Variants in IL15 observed in about 807,000 individuals in gnomAD.
The protein encoded by IL15 is interleukin 15.
In IL15, 11 loss-of-function variants were observed where a neutral mutation model predicts 19.6. The observed-to-expected ratio is 0.56, with a 90% CI of 0.35 to 0.93. The LOEUF (loss-of-function observed/expected upper bound fraction) is 0.93, where lower values mean the gene tolerates loss of function less well. IL15 is among the 40% of genes least tolerant of loss of function. The probability of loss-of-function intolerance (pLI) is 0.01; values close to 1 mark genes in which losing one functional copy is unlikely to be tolerated. For synonymous variants in IL15, 58 were observed against 59.6 expected (o/e 0.97, Z 0.12); for missense variants, 197 against 186.5 (o/e 1.06, Z -0.33).
chr4:141,681,485 T>A (rs1305468918), intron 2 of IL15, among the ~76,000 whole-genome samples: 1 of 152,188 alleles, frequency 6.6e-6, no homozygotes, highest in Non-Finnish European at 1.5e-5. Context: ...CTTCACTGTG[T>A]CTTGATGCCT....
intron 4 of IL15, chr4:141,720,935 C>A: frequency 1.8e-6 from 1 of 561,726 alleles, no homozygotes; most frequent in Non-Finnish European, 3.1e-6. Context: ...CTGACTCCTC[C>A]TATCCCTTGA....
chr4:141,726,857 G>T (rs1035303481), intron 5 of IL15, among the ~76,000 whole-genome samples: 4 of 152,082 alleles, frequency 2.6e-5, no homozygotes, highest in African/African-American at 7.2e-5. Flanking sequence ...TTATAAAATA[G>T]AATATTATCC....
At chr4:141,728,227 A>G (rs1006536669) in intron 6 of IL15, among the ~76,000 whole-genome samples, 3 of 152,206 alleles carry the variant, frequency 2.0e-5, no homozygotes, top group Non-Finnish European at 4.4e-5. Flanking sequence ...CATCAATGTC[A>G]AACAAGATAC....
chr4:141,732,420 C>T (rs1407805472), intron 7 of IL15, among the ~76,000 whole-genome samples: 1 of 152,124 alleles, frequency 6.6e-6, no homozygotes, highest in Non-Finnish European at 1.5e-5. Flanking sequence ...AGCCTGTGTG[C>T]TATGCAGGGA....
chr4:141,665,800 A>G (rs937666562), intron 2 of IL15, among the ~76,000 whole-genome samples: 19 of 152,130 alleles, frequency 1.2e-4, no homozygotes, highest in Non-Finnish European at 2.1e-4. Flanking sequence ...AATGATGAAT[A>G]TAAGAGTTGT....
chr4:141,698,048 G>C (rs570926441), intron 2 of IL15, among the ~76,000 whole-genome samples: 23 of 151,982 alleles, frequency 1.5e-4, no homozygotes, highest in Non-Finnish European at 2.4e-4. Context: ...AATTATAAAG[G>C]GATGCTGGAT....
At chr4:141,729,325 T>C (rs1419881083) in intron 6 of IL15, among the ~76,000 whole-genome samples, 2 of 152,130 alleles carry the variant, frequency 1.3e-5, no homozygotes, top group Non-Finnish European at 2.9e-5. Flanking sequence ...TAAGAGAGCC[T>C]TTTCTGATTT....
intron 7 of IL15, among the ~76,000 whole-genome samples, chr4:141,730,836 A>G (rs951557047): frequency 1.3e-5 from 2 of 152,152 alleles, no homozygotes; most frequent in Admixed American, 1.3e-4. Flanking sequence ...CATTTCATAA[A>G]TACTTTTTAG....
chr4:141,719,166 C>A, intron 2 of IL15, 200 bp from the exon 3 acceptor site: 1 of 282,758 alleles, frequency 3.5e-6, no homozygotes, highest in African/African-American at 2.2e-5. Context: ...CTGTCATGTA[C>A]TTGCTATGGG....
At chr4:141,704,443 T>G (rs1176329537) in intron 2 of IL15, among the ~76,000 whole-genome samples, 1 of 152,174 alleles carries the variant, frequency 6.6e-6, no homozygotes, top group Non-Finnish European at 1.5e-5. Context: ...TGGATTCAGT[T>G]TGCTACTGTC....
intron 1 of IL15, among the ~76,000 whole-genome samples, chr4:141,648,677 C>T (rs778535655): frequency 4.6e-5 from 7 of 152,018 alleles, no homozygotes; most frequent in Non-Finnish European, 7.4e-5. Flanking sequence ...AGATTCTACT[C>T]CTGAAAAGCA....
chr4:141,656,095 T>G (rs1727584569), intron 1 of IL15, 91 bp from the exon 2 acceptor site: 1 of 395,948 alleles, frequency 2.5e-6, no homozygotes, highest in African/African-American at 2.1e-5. Flanking sequence ...TATAGCATGA[T>G]CAGGTATGTA....
intron 5 of IL15, among the ~76,000 whole-genome samples, chr4:141,724,019 A>G (rs1730179172): frequency 6.6e-6 from 1 of 152,166 alleles, no homozygotes. Context: ...CACTACACCC[A>G]ACAACAGCAG....
intron 2 of IL15, among the ~76,000 whole-genome samples, chr4:141,667,421 C>T (rs1041680814): frequency 2.0e-5 from 3 of 152,124 alleles, no homozygotes; most frequent in African/African-American, 7.2e-5. Context: ...GTGTCCACTG[C>T]AGAACTGATT....
At chr4:141,684,073 A>T (rs965441472) in intron 2 of IL15, among the ~76,000 whole-genome samples, 1 of 152,156 alleles carries the variant, frequency 6.6e-6, no homozygotes, top group African/African-American at 2.4e-5. Flanking sequence ...CCTGTTGGGG[A>T]TATGTGTTGG....
At chr4:141,678,801 C>A (rs930687757) in intron 2 of IL15, among the ~76,000 whole-genome samples, 1 of 152,054 alleles carries the variant, frequency 6.6e-6, no homozygotes, top group Non-Finnish European at 1.5e-5. Context: ...AGGGTTTCTC[C>A]GTGTTGGCCA....
chr4:141,731,261 G>A (rs893290712), intron 7 of IL15, among the ~76,000 whole-genome samples: 9 of 152,030 alleles, frequency 5.9e-5, no homozygotes, highest in East Asian at 3.9e-4. Flanking sequence ...CCTTCTCTGC[G>A]TGTCCCATAT....
chr4:141,732,855 T>C lies in IL15; in HGVS notation c.*7T>C, dbSNP rs369169383. On this transcript the variant is annotated 3_prime_UTR_variant, in exon 8 of 8. Transcript: ENST00000320650. ...GTTCATCAACACTTCTTGATTGCAA[T>C]TGATTCTTTTTAAAGTGTTTCTGTT... The C allele has an allele frequency of 6.0e-5, 97 of 1,604,888 alleles. 1 individual carries two copies. Among genetic ancestry groups the C allele is most frequent in the Non-Finnish European group, 7.6e-5 (89 of 1,177,544 alleles).
chr4:141,675,348 A>G (rs1335789053), intron 2 of IL15, among the ~76,000 whole-genome samples: 3 of 152,196 alleles, frequency 2.0e-5, no homozygotes, highest in Non-Finnish European at 4.4e-5. Flanking sequence ...ATGTAAACAA[A>G]TATATGGAGG....
Sources: allele counts gnomAD v4.1 joint callset (sites outside exome capture counted in the v4.1 genomes callset), GRCh38; gene constraint gnomAD v4.1.1; transcripts MANE v1.5; gene names NCBI Gene and HGNC (gene_info 2026-07-23, HGNC 2026-07-21).